Variants in NID1 observed in about 807,000 individuals in gnomAD.
The protein encoded by NID1 is nidogen 1.
NID1 carries 76 observed loss-of-function variants against 130.6 expected under a neutral mutation model. The observed-to-expected ratio is 0.58, with a 90% CI of 0.48 to 0.70. NID1 has a LOEUF of 0.70. Among genes scored for constraint, NID1 ranks in the 30% least tolerant of loss-of-function variants. The pLI is 0.00. For synonymous variants in NID1, 665 were observed against 675.1 expected, an observed-to-expected ratio of 0.98 and a Z score of 0.23; for missense variants, 1,517 against 1,664.8, an observed-to-expected ratio of 0.91 and a Z score of 1.54.
At chr1:236,012,369 C>T (rs1038402864) in intron 11 of NID1, among the ~76,000 whole-genome samples, 2 of 152,068 alleles carry the variant, frequency 1.3e-5, no homozygotes, top group Admixed American at 1.3e-4. Flanking sequence ...CCAGCCTGGC[C>T]AACACGGTGA....
chr1:236,038,134 T>A lies in NID1; in HGVS notation c.1255A>T (p.Thr419Ser). 6.2e-7 allele frequency: 1 copy of A among 1,607,204 alleles called. No individual in the cohort carries two copies. The highest frequency in any genetic ancestry group is 1.1e-5 in the South Asian group (1 of 90,668). ...GCAACACATTGCCTGCCATTGCCCGTATAGCCAGCGACACAGCTGCAGCAG... is the reference window on the plus strand; with the variant it reads ...GCAACACATTGCCTGCCATTGCCCGAATAGCCAGCGACACAGCTGCAGCAG... The part of the protein sequence containing the change: ...GFCCSCVAGY[T>S]GNGRQCVAEG... The change falls in exon 5 of 20, where the codon ACG becomes TCG. Residue 419 changes from threonine (T) to serine (S), a missense_variant. By Grantham distance (58) the Thr-to-Ser change is moderately conservative. This residue lies in a region of NID1 where 1,329 missense variants were observed against 1,429.2 expected (regional missense o/e 0.93). Coordinates refer to ENST00000264187, the MANE Select transcript of NID1 (RefSeq NM_002508.3).
At chr1:236,018,512 T>C (rs563232781) in intron 9 of NID1, among the ~76,000 whole-genome samples, 37 of 152,304 alleles carry the variant, frequency 2.4e-4, no homozygotes, top group African/African-American at 8.4e-4. Context: ...TGGCTACCAC[T>C]TGTGTAAGGC....
chr1:236,041,396 T>C (rs1659446470), intron 4 of NID1, among the ~76,000 whole-genome samples: 1 of 152,034 alleles, frequency 6.6e-6, no homozygotes, highest in African/African-American at 2.4e-5. Flanking sequence ...TCTACTTTGA[T>C]ATATATATAT....
chr1:236,026,298 C>T (rs1456521169), intron 7 of NID1, among the ~76,000 whole-genome samples, 157 bp from the exon 8 acceptor site: 1 of 152,122 alleles, frequency 6.6e-6, no homozygotes, highest in Admixed American at 6.5e-5. Flanking sequence ...TTAAATAAGA[C>T]CATTTGTTTG....
Position 236,013,397 on chromosome 1 carries a change from G to A in NID1, c.2404+14C>T. On this transcript the variant is annotated intron_variant, in intron 11 of 19. Coordinates refer to ENST00000264187, the MANE Select transcript of NID1 (RefSeq NM_002508.3). ...TCAGGTTACACACAGGGGAAGATCAGAGCAACCACACACCTTGGCAGGCTT... is the reference window on the plus strand; with the variant it reads ...TCAGGTTACACACAGGGGAAGATCAAAGCAACCACACACCTTGGCAGGCTT... 1 of 1,613,482 alleles carries A rather than the reference G, an allele frequency of 6.2e-7. No homozygotes were observed. Among genetic ancestry groups the A allele is most frequent in the Non-Finnish European group, 8.5e-7 (1 of 1,179,954 alleles).
chr1:236,043,356 G>A (rs1392049636), intron 3 of NID1, among the ~76,000 whole-genome samples: 1 of 152,084 alleles, frequency 6.6e-6, no homozygotes, highest in East Asian at 1.9e-4. Context: ...TTAACCTGTG[G>A]GGTCTGCAGT....
intron 6 of NID1, 41 bp downstream of exon 6, chr1:236,032,360 T>A: frequency 6.2e-7 from 1 of 1,602,868 alleles, no homozygotes; most frequent in Non-Finnish European, 8.5e-7. Context: ...CCCTAGGCAC[T>A]ACTGTGTGAC....
chr1:236,062,654 AAAG>A (rs1233276852), intron 1 of NID1, among the ~76,000 whole-genome samples: 1,972 of 138,982 alleles, frequency 0.014, 35 homozygotes, highest in African/African-American at 0.049. Flanking sequence ...AAAAAAAAAA[AAAG>A]AATAACCAAA....
In NID1 at chr1:235,994,641, AT is replaced by A. The variant is rs60619772; in HGVS notation, c.2528-770del. Among the ~76,000 whole-genome samples, 337 of 151,446 alleles carry A rather than the reference AT, an allele frequency of 2.2e-3. 1 individual carries two copies. Among genetic ancestry groups the A allele is most frequent in the African/African-American group, 7.6e-3 (314 of 41,316 alleles). Reference sequence around the variant, plus strand: ...CATCACTGGGTTTTATTTTAAGAAAATTTTTTTGTTTGTTTTTTCTAAATGT... The same window carrying A: ...CATCACTGGGTTTTATTTTAAGAAAATTTTTTGTTTGTTTTTTCTAAATGT... On this transcript the variant is annotated intron_variant, in intron 12 of 19. Coordinates refer to ENST00000264187, the MANE Select transcript of NID1 (RefSeq NM_002508.3).
In NID1 at chr1:236,038,705, ATATTACC is replaced by A. The variant is rs1363232445; in HGVS notation, c.1136-459_1136-453del. ...ATGTTATATAGGTCATATATAATAT[ATATTACC>A]TATGTTATATAGGTCATATATAATA... On this transcript the variant is annotated intron_variant, in intron 4 of 19. Transcript: ENST00000264187. 5.2e-4 allele frequency among the ~76,000 whole-genome samples: 69 copies of A among 133,690 alleles called. 3 individuals carry two copies. The highest frequency in any genetic ancestry group is 1.0e-3 in the African/African-American group (35 of 34,650). The allele number at this position is 133,690 out of a possible 152,430, so 87.7% of individuals were successfully genotyped here. A position where few individuals can be genotyped will look rare whatever the true frequency, so the allele number is the denominator to read the frequency against.
chr1:236,022,565 C>T (rs1658796642), intron 9 of NID1, among the ~76,000 whole-genome samples: 1 of 150,944 alleles, frequency 6.6e-6, no homozygotes, highest in South Asian at 2.1e-4. Context: ...GTCTCAAACT[C>T]CCGACCTCAT....
chr1:235,996,830 A>G (rs756275495), intron 12 of NID1, among the ~76,000 whole-genome samples: 3 of 151,148 alleles, frequency 2.0e-5, no homozygotes, highest in Non-Finnish European at 4.4e-5. Flanking sequence ...TTCCTGTCTC[A>G]GACTCCTGTG....
At chr1:235,985,028 A>C (rs867556820) in intron 15 of NID1, among the ~76,000 whole-genome samples, 1 of 152,060 alleles carries the variant, frequency 6.6e-6, no homozygotes, top group African/African-American at 2.4e-5. Flanking sequence ...TCTCTACTAA[A>C]AAAAAATACA....
chr1:235,983,492 T>C (rs1367999865), intron 15 of NID1, among the ~76,000 whole-genome samples: 1 of 152,018 alleles, frequency 6.6e-6, no homozygotes, highest in Non-Finnish European at 1.5e-5. Context: ...CATTCTGGAG[T>C]ATATTTGGAA....
At chr1:236,053,212 T>C (rs1344069911) in intron 1 of NID1, among the ~76,000 whole-genome samples, 3 of 152,240 alleles carry the variant, frequency 2.0e-5, no homozygotes, top group Admixed American at 2.0e-4. Context: ...CTCACATTTA[T>C]TTATTTCAAT....
At chr1:235,998,247 A>G (rs1326120262) in intron 12 of NID1, among the ~76,000 whole-genome samples, 3 of 152,190 alleles carry the variant, frequency 2.0e-5, no homozygotes, top group African/African-American at 4.8e-5. Flanking sequence ...CCAGAAAAGT[A>G]TTTGTTGAAC....
chr1:236,043,711 T>C (rs763971535), intron 3 of NID1, among the ~76,000 whole-genome samples: 1 of 152,040 alleles, frequency 6.6e-6, no homozygotes, highest in Non-Finnish European at 1.5e-5. Flanking sequence ...AGCAGGAGAA[T>C]GGCGTGAACC....
chr1:236,005,059 G>T (rs11587534), intron 12 of NID1, among the ~76,000 whole-genome samples: 37,716 of 151,946 alleles, frequency 0.25, 5,945 homozygotes, highest in Non-Finnish European at 0.36. Context: ...CTGAGTCACA[G>T]CTACTCGGGA....
At chr1:236,007,858 G>A (rs1658293874) in intron 12 of NID1, among the ~76,000 whole-genome samples, 1 of 152,138 alleles carries the variant, frequency 6.6e-6, no homozygotes, top group African/African-American at 2.4e-5. Context: ...GAAAATAAAT[G>A]TTCATTGTTT....
Sources: gnomAD v4.1 joint callset for allele counts (sites outside exome capture counted in the v4.1 genomes callset) on GRCh38, gnomAD v4.1.1 for gene constraint, gnomAD v4.1.1 regional missense constraint, MANE v1.5 for transcripts, NCBI Gene and HGNC (gene_info 2026-07-23, HGNC 2026-07-21) for gene names.